Variants in CCDC88A observed in about 807,000 individuals in gnomAD.
CCDC88A encodes the protein girdin.
A neutral mutation model predicts 234.3 loss-of-function variants in CCDC88A; 54 were observed. The observed-to-expected ratio is 0.23, with a 90% confidence interval of 0.19 to 0.29. The LOEUF is 0.29. Among genes scored for constraint, CCDC88A ranks in the 10% least tolerant of loss-of-function variants. The probability of loss-of-function intolerance (pLI) is 1.00; values close to 1 mark genes in which losing one functional copy is unlikely to be tolerated. For missense variants in CCDC88A, 1,832 were observed against 2,123.4 expected (o/e 0.86, Z 2.70); for synonymous variants, 753 against 737.8 (o/e 1.02, Z -0.33).
chr2:55,311,965 A>T (rs1553393803), intron 23 of CCDC88A, among the ~76,000 whole-genome samples: 1 of 152,142 alleles, frequency 6.6e-6, no homozygotes, highest in Non-Finnish European at 1.5e-5. Flanking sequence ...AGAACAATTA[A>T]TTTTTAGGTC....
intron 29 of CCDC88A, chr2:55,296,729 T>G: frequency 3.4e-6 from 2 of 582,330 alleles, no homozygotes; most frequent in Non-Finnish European, 6.0e-6. Flanking sequence ...TTTGTCAAAC[T>G]GACAACTATT....
chr2:55,389,936 G>C (rs1462554871), intron 2 of CCDC88A, among the ~76,000 whole-genome samples: 2 of 150,168 alleles, frequency 1.3e-5, no homozygotes, highest in African/African-American at 2.4e-5. Flanking sequence ...AGCTACTTGG[G>C]AGGCTGAGGC....
At chr2:55,418,609 G>C in intron 2 of CCDC88A, 1 of 572,924 alleles carries the variant, frequency 1.7e-6, no homozygotes, top group Non-Finnish European at 3.1e-6. Context: ...AAAAACTAAA[G>C]TTTCACAATT....
intron 3 of CCDC88A, among the ~76,000 whole-genome samples, chr2:55,379,468 T>G (rs1399591117): frequency 6.6e-6 from 1 of 152,216 alleles, no homozygotes; most frequent in African/African-American, 2.4e-5. Flanking sequence ...AGTCATTTAT[T>G]CAACAAATAT....
intron 8 of CCDC88A, among the ~76,000 whole-genome samples, chr2:55,355,008 C>T (rs1670375810): frequency 6.7e-6 from 1 of 149,922 alleles, no homozygotes; most frequent in South Asian, 2.1e-4. Flanking sequence ...TTTTCAGCAC[C>T]ATTGTAATGT....
chr2:55,380,149 T>C (rs1231470539), intron 3 of CCDC88A, among the ~76,000 whole-genome samples: 2 of 147,844 alleles, frequency 1.4e-5, no homozygotes, highest in African/African-American at 5.0e-5. Context: ...GGCACAAGAA[T>C]CACTTGAACT....
chr2:55,339,531 T>C lies in CCDC88A; in HGVS notation c.1451A>G (p.Asp484Gly), dbSNP rs2104705327. 3.1e-6 allele frequency: 5 copies of C among 1,613,286 alleles called. No individual in the cohort carries two copies. Among genetic ancestry groups the C allele is most frequent in the Non-Finnish European group, 4.2e-6 (5 of 1,179,652 alleles). Residue 484 changes from aspartate to glycine, a missense_variant, in exon 13 of 33, where the codon GAT becomes GGT. Physicochemically the swap from Asp to Gly is moderately conservative, Grantham distance 94 (BLOSUM62 -1). This residue lies in a region of CCDC88A where 1,282 missense variants were observed against 1,543.6 expected (regional missense o/e 0.83). Coordinates refer to ENST00000436346, the MANE Select transcript of CCDC88A (RefSeq NM_001365480.1). ...KTVEELRTTV[D>G]SVEGNASKIL... Reference sequence around the variant, plus strand: ...TTTGGAAGCATTGCCTTCTACAGAATCCACAGTAGTCCGAAGCTCTTCTAC... The same window carrying C: ...TTTGGAAGCATTGCCTTCTACAGAACCCACAGTAGTCCGAAGCTCTTCTAC...
At position 55,309,425 on chromosome 2, in the gene CCDC88A, T is replaced by C. The variant is rs1202945656; in HGVS notation, c.4080-171A>G. On this transcript the variant is annotated intron_variant, in intron 23 of 32. Coordinates refer to ENST00000436346, the MANE Select transcript of CCDC88A (RefSeq NM_001365480.1). This position sits in a 1 kb window ranked among gnomAD's most constrained non-coding sequence, Gnocchi z 5.1. The stretch of plus-strand genomic sequence containing the variant: ...AGTTAACAATGGGAATTTTTCCATG[T>C]TTCTCCTTTTTTAAAAATTTACATT... 6.6e-6 allele frequency among the ~76,000 whole-genome samples: 1 copy of C among 152,068 alleles called. No homozygotes were observed. Among genetic ancestry groups the C allele is most frequent in the Non-Finnish European group, 1.5e-5 (1 of 67,996 alleles).
In CCDC88A at chr2:55,292,078, A is replaced by G. The variant is rs1186516669; in HGVS notation, c.5552-303T>C. The G allele has an allele frequency of 7.2e-5, 15 of 209,500 alleles. No homozygotes were observed. In the East Asian group the frequency reaches 1.6e-3, roughly 22 times the overall value. 13.0% of individuals were successfully genotyped at this position (209,500 alleles called of 1,614,324 possible). The stretch of plus-strand genomic sequence containing the variant: ...TAAATGGTCACCTACAGTCTTAAAC[A>G]TAATCTTGCATGTAGTAGCAAAACC... On this transcript the variant is annotated intron_variant, in intron 31 of 32. Transcript: ENST00000436346.
intron 31 of CCDC88A, chr2:55,295,164 T>C (rs1351429089): frequency 1.5e-5 from 20 of 1,308,132 alleles, no homozygotes; most frequent in Non-Finnish European, 2.0e-5. Flanking sequence ...AGTGACAAGA[T>C]TGTTGCTATT....
intron 2 of CCDC88A, among the ~76,000 whole-genome samples, chr2:55,408,390 C>T (rs1172093256): frequency 1.3e-5 from 2 of 152,064 alleles, no homozygotes; most frequent in African/African-American, 4.8e-5. Context: ...GCTTCATTCC[C>T]GGACAGTTAG....
At chr2:55,406,874 T>C (rs1679681656) in intron 2 of CCDC88A, among the ~76,000 whole-genome samples, 1 of 152,186 alleles carries the variant, frequency 6.6e-6, no homozygotes, top group South Asian at 2.1e-4. Flanking sequence ...GATGATAATG[T>C]GAAGTTCAAC....
chr2:55,415,490 A>T (rs947789043), intron 2 of CCDC88A, among the ~76,000 whole-genome samples: 8 of 152,146 alleles, frequency 5.3e-5, no homozygotes, highest in Non-Finnish European at 1.5e-5. Flanking sequence ...GAATCCAACA[A>T]CTGCTCCAGC....
chr2:55,367,528 G>GTTTTTTTTTTGTTTGTTT, intron 5 of CCDC88A, among the ~76,000 whole-genome samples: 2 of 99,890 alleles, frequency 2.0e-5, no homozygotes, highest in African/African-American at 8.6e-5. Context: ...TTATTTCCTT[G>GTTTTTTTTTTGTTTGTTT]TTTTTTTTTA....
At position 55,413,948 on chromosome 2, in the gene CCDC88A, T is replaced by C. The variant is rs113738302; in HGVS notation, c.164+4868A>G. Among the ~76,000 whole-genome samples the C allele has an allele frequency of 6.4e-3, 750 of 116,556 alleles. 5 individuals carry two copies. The highest frequency in any genetic ancestry group is 0.023 in the African/African-American group (727 of 32,226). 76.5% of individuals were successfully genotyped at this position (116,556 alleles called of 152,430 possible). A position where few individuals can be genotyped will look rare whatever the true frequency, so the allele number is the denominator to read the frequency against. ...GCCCGGGCAACAGAACAAGACCGTCTCAAAAAACAAAAACAAAAACAAAAA... is the reference window on the plus strand; with the variant it reads ...GCCCGGGCAACAGAACAAGACCGTCCCAAAAAACAAAAACAAAAACAAAAA... On this transcript the variant is annotated intron_variant, in intron 2 of 32. Transcript: ENST00000436346.
chr2:55,394,079 C>T (rs141617974), intron 2 of CCDC88A: 1 of 152,118 alleles, frequency 6.6e-6, no homozygotes, highest in East Asian at 1.9e-4. Context: ...CTCAGTCTCT[C>T]AAGTAGTTGG....
intron 18 of CCDC88A, 80 bp from the exon 19 acceptor site, chr2:55,319,084 A>T (rs1387562144): frequency 1.6e-5 from 18 of 1,128,590 alleles, no homozygotes; most frequent in Non-Finnish European, 2.0e-5. Flanking sequence ...ACTGAATTTT[A>T]TACAATGAGT....
At chr2:55,339,278 T>C (rs1258459173) in intron 13 of CCDC88A, 186 bp downstream of exon 13, 1 of 581,702 alleles carries the variant, frequency 1.7e-6, no homozygotes, top group African/African-American at 2.0e-5. Flanking sequence ...TAGTAAGTTC[T>C]TAATTGCTGA....
chr2:55,370,316 C>T (rs937345264), intron 5 of CCDC88A, among the ~76,000 whole-genome samples: 5 of 151,974 alleles, frequency 3.3e-5, no homozygotes, highest in African/African-American at 1.2e-4. Flanking sequence ...GCTTTGTTTT[C>T]TACAGTTGAT....
Sources: gnomAD v4.1 joint callset for allele counts (sites outside exome capture counted in the v4.1 genomes callset) on GRCh38, gnomAD v4.1.1 for gene constraint, gnomAD v4.1.1 regional missense constraint, Gnocchi (gnomAD v3.1) non-coding constraint, MANE v1.5 for transcripts, NCBI Gene and HGNC (gene_info 2026-07-23, HGNC 2026-07-21) for gene names.